NAV3: variants seen among roughly 807,000 people sequenced by gnomAD.
NAV3 encodes neuron navigator 3.
A neutral mutation model predicts 244.7 loss-of-function variants in NAV3; 87 were observed. The observed-to-expected ratio is 0.36, with a 90% CI of 0.30 to 0.42. The LOEUF (loss-of-function observed/expected upper bound fraction) is 0.42, where lower values mean the gene tolerates loss of function less well. NAV3 is among the 20% of genes least tolerant of loss of function. The probability of loss-of-function intolerance (pLI) is 1.00; values close to 1 mark genes in which losing one functional copy is unlikely to be tolerated. For missense variants in NAV3, 2,663 were observed against 2,893.3 expected (o/e 0.92, Z 1.83); for synonymous variants, 1,126 against 1,042.2 (o/e 1.08, Z -1.55).
rs375186047 is a variant in NAV3, at chr12:78,023,589, A to G, written c.2023+1727A>G. Among the ~76,000 whole-genome samples the G allele has an allele frequency of 5.9e-5, 9 of 152,320 alleles. No individual in the cohort carries two copies. The East Asian group carries it at 1.5e-3, about 26-fold the overall frequency. On this transcript the variant is annotated intron_variant, in intron 9 of 39. Transcript: ENST00000397909. ...CTTGTCTAATTATGTCAATCTCACT[A>G]TCATCTGTTTAAATGCAGCCTATAG...
chr12:77,649,287 C>T (rs1465992016), intron 2 of NAV3, among the ~76,000 whole-genome samples: 3 of 152,100 alleles, frequency 2.0e-5, no homozygotes, highest in Non-Finnish European at 4.4e-5. Flanking sequence ...TGATCTGCGG[C>T]TGTTCACAGT....
At chr12:78,110,616 G>C (rs971770614) in intron 12 of NAV3, among the ~76,000 whole-genome samples, 2 of 151,750 alleles carry the variant, frequency 1.3e-5, no homozygotes, top group Non-Finnish European at 2.9e-5. Context: ...GACTATAGTA[G>C]CCAAAACAGC....
intron 3 of NAV3, among the ~76,000 whole-genome samples, chr12:77,953,097 C>A (rs920524097): frequency 6.6e-6 from 1 of 151,962 alleles, no homozygotes; most frequent in South Asian, 2.1e-4. Flanking sequence ...AACACTTTTG[C>A]CAATTATAGC....
intron 2 of NAV3, among the ~76,000 whole-genome samples, chr12:77,776,755 C>T (rs530654699): frequency 1.9e-4 from 29 of 152,144 alleles, no homozygotes; most frequent in Non-Finnish European, 3.8e-4. Context: ...CCGAGGTGGG[C>T]GGGTCACCAG....
intron 9 of NAV3, among the ~76,000 whole-genome samples, chr12:78,033,215 T>C (rs896889129): frequency 1.3e-5 from 2 of 151,646 alleles, no homozygotes; most frequent in East Asian, 1.9e-4. Context: ...TTACAATCTC[T>C]GTAAATGATC....
At chr12:77,768,799 G>T (rs1327142062) in intron 2 of NAV3, among the ~76,000 whole-genome samples, 1 of 152,204 alleles carries the variant, frequency 6.6e-6, no homozygotes, top group Non-Finnish European at 1.5e-5. Context: ...CCTGTTCCTG[G>T]TTCCTGCCAG....
At chr12:77,985,590 A>G (rs1403855848) in intron 5 of NAV3, among the ~76,000 whole-genome samples, 2 of 151,458 alleles carry the variant, frequency 1.3e-5, no homozygotes, top group Non-Finnish European at 2.9e-5. Context: ...TTGTATGTAG[A>G]CATAATTGAA....
At chr12:77,724,921 T>C (rs1030414553) in intron 2 of NAV3, among the ~76,000 whole-genome samples, 3 of 152,038 alleles carry the variant, frequency 2.0e-5, no homozygotes, top group African/African-American at 7.2e-5. Context: ...ACACTCCCTT[T>C]AAAATATGGT....
At position 77,937,158 on chromosome 12, in the gene NAV3, A is replaced by C. The variant is rs117101512; in HGVS notation, c.244-3161A>C. ...GTACTACAATTATTTTTAAATTTGC[A>C]TTAAATTTCTTTATATAGCCATTGC... is the stretch of plus-strand genomic sequence containing the variant. On this transcript the variant is annotated intron_variant, in intron 1 of 39. Coordinates refer to ENST00000397909, the MANE Select transcript of NAV3 (RefSeq NM_001024383.2). 1.0e-3 allele frequency among the ~76,000 whole-genome samples: 154 copies of C among 152,292 alleles called. 2 individuals carry two copies. In the East Asian group the frequency reaches 0.028, roughly 28 times the overall value.
In NAV3 at chr12:77,836,853, G is replaced by C. The variant is rs1048387476; in HGVS notation, c.243+5149G>C. Among the ~76,000 whole-genome samples, 5 of 152,100 alleles carry C rather than the reference G, an allele frequency of 3.3e-5. No homozygotes were observed. The East Asian group carries it at 9.6e-4, about 29-fold the overall frequency. Reference sequence around the variant, plus strand: ...CAAAGAAATTTATTCAAAGAGTAGAGGCGTTTATGTCCATGGTAGAATGTA... The same window carrying C: ...CAAAGAAATTTATTCAAAGAGTAGACGCGTTTATGTCCATGGTAGAATGTA... On this transcript the variant is annotated intron_variant, in intron 1 of 39. Transcript: ENST00000397909.
intron 2 of NAV3, among the ~76,000 whole-genome samples, chr12:77,765,125 A>G (rs1196101571): frequency 6.6e-5 from 10 of 152,218 alleles, no homozygotes; most frequent in Admixed American, 6.5e-4. Context: ...GAAAGAACAT[A>G]ATGTTTTCAT....
At chr12:78,199,741 A>G (rs1278323978) in intron 37 of NAV3, among the ~76,000 whole-genome samples, 3 of 152,096 alleles carry the variant, frequency 2.0e-5, no homozygotes, top group Non-Finnish European at 1.5e-5. Flanking sequence ...TTACTAAAAT[A>G]TTACCGAGAT....
chr12:77,622,386 C>G (rs935564364), intron 2 of NAV3, among the ~76,000 whole-genome samples: 3 of 151,950 alleles, frequency 2.0e-5, no homozygotes, highest in African/African-American at 7.3e-5. Context: ...GTCTCGATCT[C>G]CTGACCTTGT....
chr12:78,199,155 C>T (rs927724082), intron 36 of NAV3, 180 bp from the exon 37 acceptor site: 1 of 680,402 alleles, frequency 1.5e-6, no homozygotes, highest in Non-Finnish European at 2.7e-6. Context: ...CATTATAGCT[C>T]TCATCCTAGT....
chr12:77,700,374 A>G (rs1391182853), intron 2 of NAV3, among the ~76,000 whole-genome samples: 2 of 152,128 alleles, frequency 1.3e-5, no homozygotes, highest in East Asian at 3.9e-4. Context: ...AGAGACAAAT[A>G]AGCAATTTGA....
At position 77,746,085 on chromosome 12, in the gene NAV3, A is replaced by C. The variant is rs1193960199; in HGVS notation, c.72+173819A>C. On this transcript the variant is annotated intron_variant, in intron 2 of 8. Transcript: ENST00000550042. ...TCAGCAAGCTGATAATAATAACTGT[A>C]TTAAAATAGCAGTCGAAAGAAAAAA... Among the ~76,000 whole-genome samples the C allele has an allele frequency of 2.6e-5, 4 of 151,976 alleles. 1 individual carries two copies. In the East Asian group the frequency reaches 7.7e-4, roughly 29 times the overall value.
At chr12:77,687,643 A>G (rs1035979284) in intron 2 of NAV3, among the ~76,000 whole-genome samples, 1 of 152,142 alleles carries the variant, frequency 6.6e-6, no homozygotes, top group African/African-American at 2.4e-5. Context: ...AGAACAGCAT[A>G]TGGAAGCGTT....
intron 2 of NAV3, among the ~76,000 whole-genome samples, chr12:77,773,582 G>C (rs1370867356): frequency 6.6e-6 from 1 of 151,996 alleles, no homozygotes; most frequent in African/African-American, 2.4e-5. Flanking sequence ...TAAAAACTAA[G>C]AGAAATAAGG....
intron 24 of NAV3, among the ~76,000 whole-genome samples, chr12:78,174,411 T>A (rs1958132798): frequency 6.6e-6 from 1 of 151,860 alleles, no homozygotes; most frequent in Non-Finnish European, 1.5e-5. Context: ...ACATGGCTTT[T>A]AACACAATGG....
Sources: allele counts gnomAD v4.1 joint callset (sites outside exome capture counted in the v4.1 genomes callset), GRCh38; gene constraint gnomAD v4.1.1; transcripts MANE v1.5; gene names NCBI Gene and HGNC (gene_info 2026-07-23, HGNC 2026-07-21).